RANBP17: variants seen among roughly 807,000 people sequenced by gnomAD.
The protein encoded by RANBP17 is RAN binding protein 17, also known as ran-binding protein 17.
A neutral mutation model predicts 141.2 loss-of-function variants in RANBP17; 158 were observed. The ratio of observed to expected loss-of-function variants is 1.12; its 90% CI spans 0.98 to 1.28. The LOEUF (loss-of-function observed/expected upper bound fraction) is 1.28. Among genes scored for constraint, RANBP17 ranks in the 50% most tolerant of loss-of-function variants. RANBP17 has a pLI of 0.00. For missense variants in RANBP17, 1,438 were observed against 1,290.7 expected, an observed-to-expected ratio of 1.11 and a Z score of -1.75; for synonymous variants, 430 against 450.0, an observed-to-expected ratio of 0.96 and a Z score of 0.56.
intron 25 of RANBP17, 28 bp downstream of exon 25, chr5:171,265,875 A>G (rs986409767): frequency 1.2e-6 from 2 of 1,604,926 alleles, no homozygotes; most frequent in African/African-American, 1.3e-5. Flanking sequence ...ACCTGGCTTA[A>G]GAAACAAGTG....
chr5:171,248,259 C>T (rs1000549626), intron 24 of RANBP17, among the ~76,000 whole-genome samples: 9 of 151,126 alleles, frequency 6.0e-5, no homozygotes, highest in South Asian at 2.1e-4. Flanking sequence ...CTCAGCTACT[C>T]GGGAGACTGA....
intron 21 of RANBP17, among the ~76,000 whole-genome samples, chr5:171,217,402 T>G (rs1763284173): frequency 6.6e-6 from 1 of 152,220 alleles, no homozygotes; most frequent in African/African-American, 2.4e-5. Context: ...CAGGTTTTGG[T>G]ATCAGGATGA....
At chr5:170,934,906 A>ACT (rs1264563816) in intron 12 of RANBP17, among the ~76,000 whole-genome samples, 2 of 152,174 alleles carry the variant, frequency 1.3e-5, no homozygotes, top group African/African-American at 4.8e-5. Context: ...GTGGTTTCCA[A>ACT]CTTGGTTCCA....
chr5:170,993,654 C>T (rs567826678), intron 14 of RANBP17, among the ~76,000 whole-genome samples: 1 of 151,972 alleles, frequency 6.6e-6, no homozygotes, highest in Non-Finnish European at 1.5e-5. Context: ...TGGCACAGTG[C>T]CTGACATGTA....
rs1768721936 is a variant in RANBP17 at position 170,881,820 on chromosome 5, G to T, written c.180G>T (p.Gln60His). 1 of 1,606,308 alleles carries T rather than the reference G, an allele frequency of 6.2e-7. No individual in the cohort carries two copies. The highest frequency in any genetic ancestry group is 8.5e-7 in the Non-Finnish European group (1 of 1,175,646). ...LLEQGTTSYA[Q>H]LLAATCLSKL... ...ATTCTTTACAGACATCCTATGCTCA[G>T]CTCCTTGCAGCAACATGTCTTTCAA... Residue 60 changes from glutamine to histidine, a missense_variant, in exon 3 of 28, where the codon CAG becomes CAT. By Grantham distance (24) the Gln-to-His change is conservative. Transcript: ENST00000523189.
At chr5:170,950,580 A>G (rs1375504346) in intron 12 of RANBP17, among the ~76,000 whole-genome samples, 1 of 152,150 alleles carries the variant, frequency 6.6e-6, no homozygotes, top group Admixed American at 6.6e-5. Context: ...AACAGAAAAA[A>G]TAACAGAAGC....
chr5:170,893,217 A>G (rs993140502), intron 4 of RANBP17, among the ~76,000 whole-genome samples: 6 of 147,910 alleles, frequency 4.1e-5, no homozygotes, highest in Non-Finnish European at 7.5e-5. Flanking sequence ...TTTAACTTAC[A>G]TAAATTCAGA....
chr5:171,277,669 TTATGTC>T (rs1290937354), intron 25 of RANBP17, among the ~76,000 whole-genome samples: 1 of 31,066 alleles, frequency 3.2e-5, no homozygotes, highest in African/African-American at 9.0e-5. Flanking sequence ...ATATATATAT[TTATGTC>T]TTACAGCTCT....
intron 14 of RANBP17, among the ~76,000 whole-genome samples, chr5:171,147,080 G>A (rs1758069529): frequency 6.6e-6 from 1 of 152,020 alleles, no homozygotes; most frequent in Non-Finnish European, 1.5e-5. Context: ...GATATTTTTG[G>A]TTGTCACAAT....
At chr5:171,012,219 G>A (rs547217124) in intron 14 of RANBP17, among the ~76,000 whole-genome samples, 2 of 152,086 alleles carry the variant, frequency 1.3e-5, no homozygotes, top group South Asian at 2.1e-4. Flanking sequence ...GCACTTCAGA[G>A]CAATGAACTA....
rs764555881 is a variant in RANBP17 at position 170,911,000 on chromosome 5, A to G, written c.626A>G (p.Gln209Arg). 1.6e-5 allele frequency: 25 copies of G among 1,611,618 alleles called. No homozygotes were observed. Among genetic ancestry groups the G allele is most frequent in the Non-Finnish European group, 1.9e-5 (22 of 1,178,570 alleles). Residue 209 changes from glutamine (Q) to arginine (R), a missense_variant, in exon 7 of 28, where the codon CAA becomes CGA. Transcript: ENST00000523189. ...GCCAAACCTTTAAATCTTCAGGATC[A>G]ATGTCAGCAAAATCTGGTAATGCAG... The part of the protein sequence containing the change: ...VFAKPLNLQD[Q>R]CQQNLVMQVL...
At chr5:171,124,871 A>G (rs1468287040) in intron 14 of RANBP17, among the ~76,000 whole-genome samples, 6 of 152,248 alleles carry the variant, frequency 3.9e-5, no homozygotes, top group Admixed American at 3.9e-4. Context: ...TGTCAGTTAC[A>G]ACCTTGAATG....
chr5:170,900,787 G>T (rs1488745556), intron 5 of RANBP17, among the ~76,000 whole-genome samples: 1 of 152,158 alleles, frequency 6.6e-6, no homozygotes, highest in Admixed American at 6.5e-5. Context: ...TAGTCATTCA[G>T]GAGCAGGTTG....
chr5:171,094,604 G>A (rs1167523096), intron 14 of RANBP17, among the ~76,000 whole-genome samples: 1 of 152,112 alleles, frequency 6.6e-6, no homozygotes, highest in Non-Finnish European at 1.5e-5. Context: ...TCTGAAAGTA[G>A]AAATGCTCTT....
intron 25 of RANBP17, among the ~76,000 whole-genome samples, chr5:171,283,207 C>G (rs1039047882): frequency 6.6e-6 from 1 of 152,172 alleles, no homozygotes; most frequent in African/African-American, 2.4e-5. Flanking sequence ...CTGTTTATGG[C>G]CACTTAAACT....
intron 2 of RANBP17, among the ~76,000 whole-genome samples, chr5:170,878,716 C>T (rs1471015740): frequency 6.6e-6 from 1 of 152,126 alleles, no homozygotes; most frequent in African/African-American, 2.4e-5. Flanking sequence ...AGATGCTGTA[C>T]TGCTTACTTG....
chr5:171,042,789 T>C (rs1782334658), intron 14 of RANBP17, among the ~76,000 whole-genome samples: 1 of 152,172 alleles, frequency 6.6e-6, no homozygotes, highest in Admixed American at 6.6e-5. Flanking sequence ...GGGGGGGTCA[T>C]CATCTTTTTG....
intron 18 of RANBP17, among the ~76,000 whole-genome samples, chr5:171,191,479 A>C (rs897817525): frequency 1.1e-4 from 16 of 152,126 alleles, no homozygotes; most frequent in African/African-American, 3.9e-4. Context: ...ACGAGGTAGG[A>C]GATCGAGACC....
In RANBP17 at chr5:170,970,908, C is replaced by T. The variant is rs192649939; in HGVS notation, c.1710+2531C>T. ...GAATAGACTGTAATTTTGGTTAGTACTATTTCTGCCTTGTTTATTGTTATC... is the reference window on the plus strand; with the variant it reads ...GAATAGACTGTAATTTTGGTTAGTATTATTTCTGCCTTGTTTATTGTTATC... On this transcript the variant is annotated intron_variant, in intron 14 of 27. Coordinates refer to ENST00000523189, the MANE Select transcript of RANBP17 (RefSeq NM_022897.5). 4.2e-3 allele frequency among the ~76,000 whole-genome samples: 638 copies of T among 152,166 alleles called. 16 individuals carry two copies. The highest frequency in any genetic ancestry group is 0.038 in the Admixed American group (584 of 15,282).
Sources: allele counts gnomAD v4.1 joint callset (sites outside exome capture counted in the v4.1 genomes callset), GRCh38; gene constraint gnomAD v4.1.1; transcripts MANE v1.5; gene names NCBI Gene and HGNC (gene_info 2026-07-23, HGNC 2026-07-21).